Variants in KNDC1 observed in about 807,000 individuals in gnomAD.
KNDC1 encodes the protein kinase non-catalytic C-lobe domain-containing protein 1.
Under a neutral mutation model 172.8 loss-of-function variants are expected in KNDC1, and 106 were observed. That is an observed-to-expected ratio of 0.61 (90% confidence interval 0.52 to 0.72). KNDC1 has a LOEUF of 0.72. Among genes scored for constraint, KNDC1 ranks in the 30% least tolerant of loss-of-function variants. The probability of loss-of-function intolerance (pLI) is 0.00; values close to 1 mark genes in which losing one functional copy is unlikely to be tolerated. For missense variants in KNDC1, 2,325 were observed against 2,394.5 expected (o/e 0.97, Z 0.61); for synonymous variants, 1,083 against 1,062.2 (o/e 1.02, Z -0.38).
At chr10:133,161,833 G>A (rs984088534) in intron 1 of KNDC1, among the ~76,000 whole-genome samples, 20 of 152,314 alleles carry the variant, frequency 1.3e-4, no homozygotes, top group African/African-American at 4.3e-4. Context: ...TCTTCCCACA[G>A]CTCCTTCGTG....
chr10:133,221,930 C>A, intron 29 of KNDC1, among the ~76,000 whole-genome samples: 1 of 72,544 alleles, frequency 1.4e-5, no homozygotes, highest in Non-Finnish European at 3.3e-5. Flanking sequence ...GGGCTGGGTG[C>A]AGCCACTCAC....
chr10:133,208,713 C>A (rs1055217083), intron 20 of KNDC1, among the ~76,000 whole-genome samples: 9 of 152,174 alleles, frequency 5.9e-5, no homozygotes, highest in African/African-American at 2.2e-4. Flanking sequence ...ACAGCCCACG[C>A]CCACCGCAGG....
Position 133,167,475 on chromosome 10 carries a change from T to C in KNDC1, c.197T>C (p.Met66Thr), listed in dbSNP as rs1401298817. 3.7e-6 allele frequency: 6 copies of C among 1,606,626 alleles called. No homozygotes were observed. Among genetic ancestry groups the C allele is most frequent in the East Asian group, 2.2e-5 (1 of 44,620 alleles). Residue 66 changes from methionine (M) to threonine (T), a missense_variant, in exon 2 of 30, where the codon ATG (methionine) becomes ACG (threonine). Physicochemically the swap from Met to Thr is moderately conservative, Grantham distance 81 (BLOSUM62 -1). Coordinates refer to ENST00000304613, the MANE Select transcript of KNDC1 (RefSeq NM_152643.8). ...WAVCLECSLS[M>T]RSVAHAAIFQ... The stretch of plus-strand genomic sequence containing the variant: ...GTGTGCCTGGAGTGCAGCCTGTCCA[T>C]GCGGAGCGTGGCCCACGCCGCCATC...
chr10:133,162,295 A>G (rs1853001638), intron 1 of KNDC1, among the ~76,000 whole-genome samples: 2 of 72,766 alleles, frequency 2.7e-5, no homozygotes, highest in Non-Finnish European at 5.5e-5. Flanking sequence ...TGAAATCTCC[A>G]TCGGGGCACC....
In KNDC1 at chr10:133,209,063, G is replaced by C. The variant is rs997980014; in HGVS notation, c.3795-1548G>C. ...GGTTGTGAGGTATAGTGTGATGTGT[G>C]TGCATGTGTGGGGTGATGTGTGGCT... On this transcript the variant is annotated intron_variant, in intron 20 of 29. Coordinates refer to ENST00000304613, the MANE Select transcript of KNDC1 (RefSeq NM_152643.8). The surrounding 1 kb of genome is among the most constrained non-coding windows in gnomAD (Gnocchi z 4.9). Among the ~76,000 whole-genome samples the C allele has an allele frequency of 6.6e-6, 1 of 151,804 alleles. No homozygotes were observed. Among genetic ancestry groups the C allele is most frequent in the Non-Finnish European group, 1.5e-5 (1 of 67,962 alleles).
intron 21 of KNDC1, 81 bp downstream of exon 21, chr10:133,210,805 A>G: frequency 1.7e-6 from 2 of 1,179,834 alleles, no homozygotes; most frequent in South Asian, 1.2e-5. Flanking sequence ...TTTAGCCACC[A>G]TGAAGAACGA....
intron 20 of KNDC1, among the ~76,000 whole-genome samples, chr10:133,208,034 C>G (rs891063427): frequency 2.0e-5 from 3 of 152,212 alleles, no homozygotes; most frequent in Non-Finnish European, 4.4e-5. Flanking sequence ...GGCCACCCTG[C>G]CAGTGACTGG....
At chr10:133,194,378 C>T (rs567416876) in intron 9 of KNDC1, among the ~76,000 whole-genome samples, 10 of 152,212 alleles carry the variant, frequency 6.6e-5, no homozygotes, top group East Asian at 1.9e-4. Flanking sequence ...CAACATATGG[C>T]GAACCAGGAT....
At chr10:133,204,341 G>A (rs2136007999) in intron 17 of KNDC1, among the ~76,000 whole-genome samples, 1 of 152,256 alleles carries the variant, frequency 6.6e-6, no homozygotes, top group East Asian at 1.9e-4. Flanking sequence ...CGTGACTGAG[G>A]ACCTGATGTT....
chr10:133,185,388 T>TGC (rs1206718804), intron 5 of KNDC1, among the ~76,000 whole-genome samples: 23 of 138,106 alleles, frequency 1.7e-4, no homozygotes, highest in African/African-American at 2.1e-4. Flanking sequence ...AGGCAGTGTG[T>TGC]ACAGTGTGGA....
At chr10:133,197,168 C>A in intron 11 of KNDC1, 33 bp downstream of exon 11, 1 of 1,551,126 alleles carries the variant, frequency 6.4e-7, no homozygotes. Context: ...CCGCCTCCTC[C>A]GCCGCGCTTA....
chr10:133,178,099 G>A (rs989676968), intron 3 of KNDC1, among the ~76,000 whole-genome samples: 11 of 138,442 alleles, frequency 7.9e-5, no homozygotes, highest in Admixed American at 7.1e-4. Flanking sequence ...TGTGTGCAGT[G>A]TGTAGCGTGC....
intron 1 of KNDC1, chr10:133,167,168 G>A (rs749349544): frequency 2.6e-4 from 152 of 591,748 alleles, no homozygotes; most frequent in Non-Finnish European, 3.3e-4. Context: ...GCAGCACGCC[G>A]ACGGTGCCAC....
Position 133,224,364 on chromosome 10 carries a change from C to T in KNDC1, c.5019-295C>T, listed in dbSNP as rs966727588. ...CTCGTCCTCTCAGCTGCAGCCCCTG[C>T]GGCAGACTGGGCTTGACTCTTCTTG... On this transcript the variant is annotated intron_variant, in intron 29 of 29. Transcript: ENST00000304613. The surrounding 1 kb of genome is among the most constrained non-coding windows in gnomAD (Gnocchi z 5.4). Among the ~76,000 whole-genome samples, 3 of 152,146 alleles carry T rather than the reference C, an allele frequency of 2.0e-5. No homozygotes were observed. The highest frequency in any genetic ancestry group is 2.9e-5 in the Non-Finnish European group (2 of 68,030).
rs532086650 is a variant in KNDC1 at position 133,202,751 on chromosome 10, G to A, written c.3387+853G>A. 350 of 441,936 alleles carry A rather than the reference G, an allele frequency of 7.9e-4. 1 individual carries two copies. The highest frequency in any genetic ancestry group is 4.4e-3 in the African/African-American group (219 of 49,404). 27.4% of individuals were successfully genotyped at this position (441,936 alleles called of 1,614,324 possible). On this transcript the variant is annotated intron_variant, in intron 17 of 29. Coordinates refer to ENST00000304613, the MANE Select transcript of KNDC1 (RefSeq NM_152643.8). ...GGTGTCCCTTCAGGGCAGGTGAGGG[G>A]ACAGGGGTTAAGCTCTGTGAAGCCT...
Position 133,180,337 on chromosome 10 carries a change from C to T in KNDC1, c.361-3007C>T, listed in dbSNP as rs113677561. The stretch of plus-strand genomic sequence containing the variant: ...CCGTATGGCTCTGCACCTCGAGGGC[C>T]GACTGCGTCCTCTGGGCTCCAAGGG... On this transcript the variant is annotated intron_variant, in intron 3 of 29. Transcript: ENST00000304613. Among the ~76,000 whole-genome samples, 362 of 152,306 alleles carry T rather than the reference C, an allele frequency of 2.4e-3. 2 individuals carry two copies. Among genetic ancestry groups the T allele is most frequent in the African/African-American group, 7.8e-3 (325 of 41,568 alleles).
intron 7 of KNDC1, among the ~76,000 whole-genome samples, chr10:133,188,869 C>T (rs1032230915): frequency 3.9e-5 from 6 of 151,956 alleles, no homozygotes; most frequent in Non-Finnish European, 7.4e-5. Context: ...ACGGAACAGG[C>T]GGCTCCCGTC....
chr10:133,202,073 C>G, intron 17 of KNDC1, 175 bp downstream of exon 17: 1 of 766,578 alleles, frequency 1.3e-6, no homozygotes, highest in Non-Finnish European at 2.3e-6. Context: ...CCTCCCTGGG[C>G]TGAGCTCCAC....
At chr10:133,207,888 G>A (rs928883054) in intron 20 of KNDC1, among the ~76,000 whole-genome samples, 1 of 152,200 alleles carries the variant, frequency 6.6e-6, no homozygotes, top group South Asian at 2.1e-4. Context: ...CACAGGGCCA[G>A]ACCCCCGGCC....
Sources: gnomAD v4.1 joint callset for allele counts (sites outside exome capture counted in the v4.1 genomes callset) on GRCh38, gnomAD v4.1.1 for gene constraint, Gnocchi (gnomAD v3.1) non-coding constraint, MANE v1.5 for transcripts, NCBI Gene and HGNC (gene_info 2026-07-23, HGNC 2026-07-21) for gene names.